CCNJ: variants seen among roughly 807,000 people sequenced by gnomAD.
CCNJ encodes the protein cyclin-J.
CCNJ carries 12 observed loss-of-function variants against 41.4 expected under a neutral mutation model. The observed-to-expected ratio is 0.29, with a 90% CI of 0.19 to 0.47. The LOEUF (loss-of-function observed/expected upper bound fraction) is 0.47, where lower values mean the gene tolerates loss of function less well. Ranked by LOEUF, CCNJ falls within the 20% of genes least tolerant of loss-of-function variation. The probability of loss-of-function intolerance (pLI) is 1.00; values close to 1 mark genes in which losing one functional copy is unlikely to be tolerated. For missense variants in CCNJ, 340 were observed against 464.6 expected (o/e 0.73, Z 2.47); for synonymous variants, 161 against 173.4 (o/e 0.93, Z 0.56).
At position 96,046,469 on chromosome 10, in the gene CCNJ, G is replaced by A. The variant is rs540741295; in HGVS notation, c.69+2007G>A. Among the ~76,000 whole-genome samples, 14 of 152,242 alleles carry A rather than the reference G, an allele frequency of 9.2e-5. No individual in the cohort carries two copies. In the South Asian group the frequency reaches 2.1e-3, roughly 23 times the overall value. ...CAGGCTATTAATTGGTGATTCAGTC[G>A]GATAGTCATCTGTTTTTCTTCAACA... On this transcript the variant is annotated intron_variant, in intron 2 of 5. Transcript: ENST00000465148.
chr10:96,052,464 C>T (rs2080557208), intron 3 of CCNJ, among the ~76,000 whole-genome samples: 1 of 152,186 alleles, frequency 6.6e-6, no homozygotes, highest in Non-Finnish European at 1.5e-5. Context: ...CTAGCACCTG[C>T]TCTATGCCTG....
chr10:96,049,097 GTTTT>G (rs1248426987), intron 2 of CCNJ, among the ~76,000 whole-genome samples: 1 of 149,412 alleles, frequency 6.7e-6, no homozygotes, highest in Non-Finnish European at 1.5e-5. Context: ...ATCTGGTTTT[GTTTT>G]GTTTTGTTTT....
intron 3 of CCNJ, among the ~76,000 whole-genome samples, chr10:96,056,385 T>A (rs2080693454): frequency 6.6e-6 from 1 of 152,078 alleles, no homozygotes; most frequent in Non-Finnish European, 1.5e-5. Context: ...GCAAAAAAAA[T>A]TTCCTGAAAA....
intron 1 of CCNJ, 88 bp from the exon 2 acceptor site, chr10:96,044,265 G>T: frequency 1.8e-6 from 1 of 567,784 alleles, no homozygotes; most frequent in South Asian, 4.0e-5. Context: ...CAGCCACACC[G>T]GGTGGCCTGA....
intron 3 of CCNJ, among the ~76,000 whole-genome samples, chr10:96,055,397 C>T (rs907699894): frequency 6.6e-6 from 1 of 152,112 alleles, no homozygotes; most frequent in Non-Finnish European, 1.5e-5. Context: ...TTATAATTTC[C>T]TTTCTTCTGT....
rs1241051744 is a variant in CCNJ at position 96,059,927 on chromosome 10, T to C, written c.*1686T>C. On this transcript the variant is annotated 3_prime_UTR_variant, in exon 6 of 6. Coordinates refer to ENST00000465148, the MANE Select transcript of CCNJ (RefSeq NM_001134375.2). The stretch of plus-strand genomic sequence containing the variant: ...CCTTTCCTTAAAAAGAAAATAACTT[T>C]TATATTTAGAGTACATAGGGCATGA... 13 of 152,582 alleles carry C rather than the reference T, an allele frequency of 8.5e-5. No homozygotes were observed. The highest frequency in any genetic ancestry group is 3.1e-4 in the African/African-American group (13 of 41,424). 9.5% of individuals were successfully genotyped at this position (152,582 alleles called of 1,614,324 possible).
At chr10:96,053,944 T>C (rs540272298) in intron 3 of CCNJ, among the ~76,000 whole-genome samples, 49 of 152,212 alleles carry the variant, frequency 3.2e-4, no homozygotes, top group South Asian at 1.2e-3. Flanking sequence ...ATGACTTTTT[T>C]CCCCCTACTT....
At chr10:96,045,836 CTT>C in intron 2 of CCNJ, among the ~76,000 whole-genome samples, 1 of 151,380 alleles carries the variant, frequency 6.6e-6, no homozygotes, top group African/African-American at 2.4e-5. Context: ...ATTAAGAGTA[CTT>C]TTTTTTTGAG....
intron 3 of CCNJ, among the ~76,000 whole-genome samples, chr10:96,055,137 T>C (rs2080645854): frequency 6.6e-6 from 1 of 152,218 alleles, no homozygotes; most frequent in Non-Finnish European, 1.5e-5. Flanking sequence ...GTTAAATTGA[T>C]CTTTATGTGA....
upstream of CCNJ, chr10:96,043,401 G>A: frequency 5.5e-6 from 2 of 365,730 alleles, no homozygotes; most frequent in Non-Finnish European, 9.8e-6. Flanking sequence ...CGCCGTGCGG[G>A]ATGCTGACCG....
intron 2 of CCNJ, among the ~76,000 whole-genome samples, chr10:96,049,389 C>T (rs2080453534): frequency 6.6e-6 from 1 of 151,626 alleles, no homozygotes. Context: ...ATCCATTCTG[C>T]GGGTTGCCCT....
intron 2 of CCNJ, among the ~76,000 whole-genome samples, chr10:96,045,009 A>T (rs1374196213): frequency 6.6e-6 from 1 of 152,176 alleles, no homozygotes; most frequent in African/African-American, 2.4e-5. Context: ...CTCTTGGTAT[A>T]TAGTAAGCAC....
rs868614348 is a variant in CCNJ at position 96,057,865 on chromosome 10, A to G, written c.776A>G (p.Gln259Arg). ...HDNDVKEANKQRGQAGPQSAQ... is the reference protein window; with the variant it reads ...HDNDVKEANKRRGQAGPQSAQ... ...AATGATGTGAAAGAAGCAAACAAACAGAGAGGGCAAGCAGGACCTCAGTCA... is the reference window on the plus strand; with the variant it reads ...AATGATGTGAAAGAAGCAAACAAACGGAGAGGGCAAGCAGGACCTCAGTCA... Residue 259 changes from glutamine (Q) to arginine (R), a missense_variant, in exon 6 of 6, where the codon CAG becomes CGG. Coordinates refer to ENST00000465148, the MANE Select transcript of CCNJ (RefSeq NM_001134375.2). 1.9e-6 allele frequency: 3 copies of G among 1,614,134 alleles called. No homozygotes were observed. The highest frequency in any genetic ancestry group is 3.3e-4 in the Middle Eastern group (2 of 6,060).
At chr10:96,057,719 C>A in intron 5 of CCNJ, 111 bp from the exon 6 acceptor site, 1 of 898,876 alleles carries the variant, frequency 1.1e-6, no homozygotes, top group Non-Finnish European at 1.7e-6. Context: ...GTGACTGCTA[C>A]CTGGGTAGTG....
chr10:96,043,878 G>A (rs1392957303), intron 1 of CCNJ, among the ~76,000 whole-genome samples, 159 bp downstream of exon 1: 1 of 152,192 alleles, frequency 6.6e-6, no homozygotes, highest in Non-Finnish European at 1.5e-5. Context: ...TCCCGGGGAG[G>A]AGCAGGCTCC....
At chr10:96,046,610 T>C (rs1002424036) in intron 2 of CCNJ, among the ~76,000 whole-genome samples, 1 of 152,190 alleles carries the variant, frequency 6.6e-6, no homozygotes, top group Non-Finnish European at 1.5e-5. Flanking sequence ...AGCATCCACA[T>C]TTAGGTCTTC....
intron 2 of CCNJ, among the ~76,000 whole-genome samples, chr10:96,048,983 A>G (rs7090016): frequency 3.4e-4 from 52 of 152,292 alleles, no homozygotes; most frequent in African/African-American, 1.2e-3. Flanking sequence ...TAATTTATTG[A>G]GGGATTGCCA....
Position 96,052,201 on chromosome 10 carries a change from G to C in CCNJ, c.280+1735G>C, listed in dbSNP as rs187694260. Among the ~76,000 whole-genome samples, 159 of 152,268 alleles carry C rather than the reference G, an allele frequency of 1.0e-3. 1 individual carries two copies. The highest frequency in any genetic ancestry group is 3.7e-3 in the African/African-American group (155 of 41,550). ...CATAAGTAATCATGTGTGTAATACT[G>C]TATGTGTTTAATCACTGGCTGTGAA... On this transcript the variant is annotated intron_variant, in intron 3 of 5. Transcript: ENST00000465148.
intron 3 of CCNJ, among the ~76,000 whole-genome samples, chr10:96,055,091 G>A (rs1253609472): frequency 1.3e-5 from 2 of 152,108 alleles, no homozygotes; most frequent in Non-Finnish European, 2.9e-5. Flanking sequence ...CCACTTTAGT[G>A]CTTTCAACTT....
Sources: gnomAD v4.1 joint callset for allele counts (sites outside exome capture counted in the v4.1 genomes callset) on GRCh38, gnomAD v4.1.1 for gene constraint, MANE v1.5 for transcripts, NCBI Gene and HGNC (gene_info 2026-07-23, HGNC 2026-07-21) for gene names.